The following KCNQ3 variants were observed in gnomAD, a reference collection of about 807,000 sequenced individuals.
KCNQ3 encodes potassium voltage-gated channel subfamily Q member 3, also known as potassium voltage-gated channel subfamily KQT member 3.
KCNQ3 carries 30 observed loss-of-function variants against 92.5 expected under a neutral mutation model. The ratio of observed to expected loss-of-function variants is 0.32; its 90% CI spans 0.24 to 0.44. The LOEUF (loss-of-function observed/expected upper bound fraction) is 0.44, where lower values mean the gene tolerates loss of function less well. Ranked by LOEUF, KCNQ3 falls within the 20% of genes least tolerant of loss-of-function variation. The pLI, the probability that KCNQ3 is intolerant of heterozygous loss-of-function variation, is 1.00. For missense variants in KCNQ3, 913 were observed against 1,140.3 expected (o/e 0.80, Z 2.87); for synonymous variants, 450 against 468.8 (o/e 0.96, Z 0.52).
intron 1 of KCNQ3, among the ~76,000 whole-genome samples, chr8:132,331,787 T>G (rs372235550): frequency 6.6e-6 from 1 of 152,214 alleles, no homozygotes; most frequent in Admixed American, 6.5e-5. Context: ...GGAAGAGATT[T>G]CCTTGATGGG....
chr8:132,310,755 C>A (rs1817571451), intron 1 of KCNQ3, among the ~76,000 whole-genome samples: 1 of 152,154 alleles, frequency 6.6e-6, no homozygotes, highest in South Asian at 2.1e-4. Context: ...GCTGAGTGGT[C>A]TCTGTTTTTA....
chr8:132,175,750 C>A, intron 4 of KCNQ3, 142 bp from the exon 5 acceptor site: 2 of 762,820 alleles, frequency 2.6e-6, no homozygotes, highest in Non-Finnish European at 4.6e-6. Flanking sequence ...TGATCTTCAT[C>A]TTCCATCACT....
chr8:132,480,665 T>TGGGG lies in KCNQ3; in HGVS notation c.-134_-133insCCCC. The TGGGG allele has an allele frequency of 1.3e-6, 1 of 743,544 alleles. No individual in the cohort carries two copies. Among genetic ancestry groups the TGGGG allele is most frequent in the Admixed American group, 6.6e-5 (1 of 15,172 alleles). 46.1% of individuals were successfully genotyped at this position (743,544 alleles called of 1,614,324 possible). A position where few individuals can be genotyped will look rare whatever the true frequency, so the allele number is the denominator to read the frequency against. On this transcript the variant is annotated 5_prime_UTR_variant, in exon 1 of 15. Coordinates refer to ENST00000388996, the MANE Select transcript of KCNQ3 (RefSeq NM_004519.4). ...TCCAATGCCATGATCCGCGCGCCCCTCCCCACCCCCCCCCAAAAGCAGGCA... is the reference window on the plus strand; with the variant it reads ...TCCAATGCCATGATCCGCGCGCCCCTGGGGCCCCACCCCCCCCCAAAAGCAGGCA...
At chr8:132,173,447 T>G (rs917104017) in intron 6 of KCNQ3, among the ~76,000 whole-genome samples, 1 of 152,150 alleles carries the variant, frequency 6.6e-6, no homozygotes, top group African/African-American at 2.4e-5. Flanking sequence ...TACTTAAAAG[T>G]TTTTTTCAAG....
intron 1 of KCNQ3, among the ~76,000 whole-genome samples, chr8:132,200,774 C>T (rs998063109): frequency 2.0e-5 from 3 of 152,126 alleles, no homozygotes; most frequent in African/African-American, 4.8e-5. Flanking sequence ...TGTTATCATG[C>T]GTTTCTTCCT....
rs1363779514 is a variant in KCNQ3, at chr8:132,134,751, T to G, written c.1701-363A>C. Among the ~76,000 whole-genome samples, 3 of 122,478 alleles carry G rather than the reference T, an allele frequency of 2.4e-5. No homozygotes were observed. In the Admixed American group the frequency reaches 2.8e-4, roughly 11 times the overall value. 80.4% of individuals were successfully genotyped at this position (122,478 alleles called of 152,430 possible). A position where few individuals can be genotyped will look rare whatever the true frequency, so the allele number is the denominator to read the frequency against. On this transcript the variant is annotated intron_variant, in intron 12 of 14. Coordinates refer to ENST00000388996, the MANE Select transcript of KCNQ3 (RefSeq NM_004519.4). ...GAGAGGTGACGGCTGCATCTTGTTATTTTTTTTTTTTCATAGGAAATGTCA... is the reference window on the plus strand; with the variant it reads ...GAGAGGTGACGGCTGCATCTTGTTAGTTTTTTTTTTTCATAGGAAATGTCA...
intron 1 of KCNQ3, among the ~76,000 whole-genome samples, chr8:132,221,659 G>A (rs1814241712): frequency 6.6e-6 from 1 of 151,976 alleles, no homozygotes; most frequent in East Asian, 1.9e-4. Context: ...TTTTTGGTGG[G>A]GTTGTTTGTT....
intron 11 of KCNQ3, 45 bp downstream of exon 11, chr8:132,140,031 A>G: frequency 7.6e-7 from 1 of 1,311,338 alleles, no homozygotes; most frequent in Non-Finnish European, 1.1e-6. Context: ...GTTGAGCTGG[A>G]GCGGGGGAGG....
At chr8:132,183,588 C>A (rs1307344457) in intron 3 of KCNQ3, among the ~76,000 whole-genome samples, 1 of 152,174 alleles carries the variant, frequency 6.6e-6, no homozygotes, top group Non-Finnish European at 1.5e-5. Context: ...GGATTTTAGT[C>A]CACACTGGAC....
intron 1 of KCNQ3, among the ~76,000 whole-genome samples, chr8:132,466,469 C>T (rs546193455): frequency 6.6e-6 from 1 of 152,128 alleles, no homozygotes; most frequent in African/African-American, 2.4e-5. Context: ...ATTTCTCTGC[C>T]CCCAGGAGCA....
rs140045642 is a variant in KCNQ3 at position 132,132,225 on chromosome 8, G to A, written c.1839C>T (p.Ile613=). Residue 613 remains isoleucine (I), a synonymous_variant, in exon 14 of 15, where the codon ATC becomes ATT. Transcript: ENST00000388996. ...ACTTCCCCATCATGCTTTGGTCTTC[G>A]ATTTCTGATGTGGATGGTCTGGCTA... ...PYVARPSTSE[I]EDQSMMGKFV... 4.3e-6 allele frequency: 7 copies of A among 1,613,780 alleles called. No individual in the cohort carries two copies. The highest frequency in any genetic ancestry group is 2.2e-5 in the East Asian group (1 of 44,876).
chr8:132,180,090 G>T, intron 4 of KCNQ3, 67 bp downstream of exon 4: 1 of 1,532,472 alleles, frequency 6.5e-7, no homozygotes, highest in Non-Finnish European at 9.0e-7. Context: ...CAAAGGAAGG[G>T]ATGTCATGGA....
intron 1 of KCNQ3, among the ~76,000 whole-genome samples, chr8:132,432,056 G>A (rs1443139616): frequency 2.0e-5 from 3 of 152,188 alleles, no homozygotes; most frequent in Non-Finnish European, 4.4e-5. Context: ...AGAACCACAG[G>A]TACAACACTT....
Position 132,129,033 on chromosome 8 carries a change from C to G in KCNQ3, c.*229G>C. 1.7e-6 allele frequency: 1 copy of G among 588,266 alleles called. No individual in the cohort carries two copies. Among genetic ancestry groups the G allele is most frequent in the South Asian group, 2.1e-5 (1 of 48,652 alleles). 36.4% of individuals were successfully genotyped at this position (588,266 alleles called of 1,614,324 possible). A position where few individuals can be genotyped will look rare whatever the true frequency, so the allele number is the denominator to read the frequency against. On this transcript the variant is annotated 3_prime_UTR_variant, in exon 15 of 15. Transcript: ENST00000388996. This position sits in a 1 kb window ranked among gnomAD's most constrained non-coding sequence, Gnocchi z 5.9. ...GTATCCTAGAAGAGATTAGCGGAACCATTTATATAGTGTAAAGTCATGCAA... is the reference window on the plus strand; with the variant it reads ...GTATCCTAGAAGAGATTAGCGGAACGATTTATATAGTGTAAAGTCATGCAA...
At chr8:132,169,441 A>T (rs1329655208) in intron 8 of KCNQ3, among the ~76,000 whole-genome samples, 1 of 152,214 alleles carries the variant, frequency 6.6e-6, no homozygotes, top group Non-Finnish European at 1.5e-5. Context: ...AACCATAGAA[A>T]AAGGTTCTTA....
chr8:132,301,954 G>A (rs1393378896), intron 1 of KCNQ3, among the ~76,000 whole-genome samples: 4 of 152,188 alleles, frequency 2.6e-5, no homozygotes, highest in Non-Finnish European at 5.9e-5. Flanking sequence ...TACAGACAAA[G>A]TGGAAACAAC....
intron 1 of KCNQ3, among the ~76,000 whole-genome samples, chr8:132,329,961 G>A (rs562379342): frequency 8.6e-5 from 13 of 152,000 alleles, no homozygotes; most frequent in Non-Finnish European, 1.8e-4. Context: ...CAAAATATAG[G>A]TCTACACCCT....
intron 10 of KCNQ3, 113 bp downstream of exon 10, chr8:132,141,016 G>A (rs1825278476): frequency 2.1e-6 from 2 of 962,084 alleles, no homozygotes; most frequent in East Asian, 2.4e-5. Context: ...AAGGGAGAGA[G>A]TTACCTTGTG....
At chr8:132,461,662 C>T (rs1034816911) in intron 1 of KCNQ3, among the ~76,000 whole-genome samples, 4 of 152,198 alleles carry the variant, frequency 2.6e-5, no homozygotes, top group African/African-American at 9.6e-5. Context: ...TTCCTGTTGC[C>T]CTACATCCTT....
Sources: gnomAD v4.1 joint callset for allele counts (sites outside exome capture counted in the v4.1 genomes callset) on GRCh38, gnomAD v4.1.1 for gene constraint, Gnocchi (gnomAD v3.1) non-coding constraint, MANE v1.5 for transcripts, NCBI Gene and HGNC (gene_info 2026-07-23, HGNC 2026-07-21) for gene names.